The following GOLPH3L variants were observed in gnomAD, a reference collection of about 807,000 sequenced individuals.
GOLPH3L encodes the protein golgi phosphoprotein 3 like.
In GOLPH3L, 22 loss-of-function variants were observed where a neutral mutation model predicts 30.3. The observed-to-expected ratio is 0.73, with a 90% confidence interval of 0.52 to 1.04. GOLPH3L has a LOEUF of 1.04. Ranked by LOEUF, GOLPH3L falls within the 50% of genes least tolerant of loss-of-function variation. The pLI is 0.00. For synonymous variants in GOLPH3L, 120 were observed against 128.2 expected, an observed-to-expected ratio of 0.94 and a Z score of 0.43; for missense variants, 303 against 345.8, an observed-to-expected ratio of 0.88 and a Z score of 0.98.
At chr1:150,660,676 G>A (rs1465475347) in intron 4 of GOLPH3L, among the ~76,000 whole-genome samples, 1 of 152,180 alleles carries the variant, frequency 6.6e-6, no homozygotes, top group Non-Finnish European at 1.5e-5. Flanking sequence ...GAATAAGCTA[G>A]GGAAAGTAAT....
chr1:150,688,172 T>G (rs1651134983), intron 2 of GOLPH3L, among the ~76,000 whole-genome samples: 1 of 152,230 alleles, frequency 6.6e-6, no homozygotes, highest in Admixed American at 6.5e-5. Context: ...ACTGTTGGCT[T>G]TCAAACTACT....
chr1:150,661,906 G>A lies in GOLPH3L; in HGVS notation c.338C>T (p.Pro113Leu). Reference sequence around the variant, plus strand: ...TTCATCCAGTAAAACATCACCTGTTGGGCTGTCTGACTTTAGCAGTACCTT... The same window carrying A: ...TTCATCCAGTAAAACATCACCTGTTAGGCTGTCTGACTTTAGCAGTACCTT... ...DRKVLLKSDS[P>L]TGDVLLDETL... The change falls in exon 4 of 5, where the codon CCA becomes CTA. Residue 113 changes from proline to leucine, a missense_variant. By Grantham distance (98) the Pro-to-Leu change is moderately conservative. Coordinates refer to ENST00000271732, the MANE Select transcript of GOLPH3L (RefSeq NM_018178.6). 1 of 1,573,048 alleles carries A rather than the reference G, an allele frequency of 6.4e-7. No individual in the cohort carries two copies. The highest frequency in any genetic ancestry group is 8.8e-7 in the Non-Finnish European group (1 of 1,142,438).
Position 150,661,930 on chromosome 1 carries a change from T to G in GOLPH3L, c.316-2A>C. ...TGGGCTGTCTGACTTTAGCAGTACCTTTGAGAAAAGGAGAAAGAAGGAACC... is the reference window on the plus strand; with the variant it reads ...TGGGCTGTCTGACTTTAGCAGTACCGTTGAGAAAAGGAGAAAGAAGGAACC... On this transcript the variant is annotated splice_acceptor_variant, in intron 3 of 4. Transcript: ENST00000271732. LOFTEE classifies it high-confidence loss of function. 7.3e-7 allele frequency: 1 copy of G among 1,377,004 alleles called. No homozygotes were observed. The highest frequency in any genetic ancestry group is 1.0e-6 in the Non-Finnish European group (1 of 963,790). The allele number at this position is 1,377,004 out of a possible 1,614,324, so 85.3% of individuals were successfully genotyped here.
chr1:150,661,793 T>C (rs1259929865), intron 4 of GOLPH3L, 21 bp downstream of exon 4: 7 of 1,011,326 alleles, frequency 6.9e-6, no homozygotes, highest in Admixed American at 6.8e-5. Context: ...GAAATTCATA[T>C]ATTATTTTAA....
At chr1:150,665,201 A>G (rs1650469419) in intron 2 of GOLPH3L, among the ~76,000 whole-genome samples, 1 of 152,220 alleles carries the variant, frequency 6.6e-6, no homozygotes, top group African/African-American at 2.4e-5. Flanking sequence ...AAAGATGAGA[A>G]AACTAAGGCT....
intron 2 of GOLPH3L, among the ~76,000 whole-genome samples, chr1:150,683,686 C>G: frequency 9.9e-6 from 1 of 100,930 alleles, no homozygotes; most frequent in African/African-American, 4.0e-5. Context: ...GGTGACAGAG[C>G]GAGACTCTCT....
At chr1:150,684,292 T>G (rs1370381551) in intron 2 of GOLPH3L, among the ~76,000 whole-genome samples, 1 of 152,236 alleles carries the variant, frequency 6.6e-6, no homozygotes, top group African/African-American at 2.4e-5. Flanking sequence ...ATAATCCTAC[T>G]CTCACAGAAA....
chr1:150,662,103 C>T (rs903272622), intron 3 of GOLPH3L, among the ~76,000 whole-genome samples, 175 bp from the exon 4 acceptor site: 1 of 152,030 alleles, frequency 6.6e-6, no homozygotes, highest in African/African-American at 2.4e-5. Flanking sequence ...AGTGCAAAGA[C>T]AAAAATAACA....
chr1:150,691,270 T>A (rs1289433053), intron 2 of GOLPH3L, among the ~76,000 whole-genome samples: 1 of 152,052 alleles, frequency 6.6e-6, no homozygotes, highest in East Asian at 1.9e-4. Flanking sequence ...TCCCAGCACT[T>A]TGGGAGGCCA....
Position 150,646,963 on chromosome 1 carries a change from A to C in GOLPH3L, c.*1358T>G, listed in dbSNP as rs181850438. ...ATTGCCCTCACTACTGAAGTAAAAA[A>C]CGTGTTAGAGATTTGGCCAGAAAGA... On this transcript the variant is annotated 3_prime_UTR_variant, in exon 5 of 5. Coordinates refer to ENST00000271732, the MANE Select transcript of GOLPH3L (RefSeq NM_018178.6). 3.9e-5 allele frequency: 6 copies of C among 152,334 alleles called. No homozygotes were observed. The highest frequency in any genetic ancestry group is 2.0e-4 in the Admixed American group (3 of 15,310). The allele number at this position is 152,334 out of a possible 1,614,324, so 9.4% of individuals were successfully genotyped here.
intron 4 of GOLPH3L, among the ~76,000 whole-genome samples, chr1:150,654,886 C>A (rs1469649868): frequency 6.6e-6 from 1 of 152,184 alleles, no homozygotes. Context: ...TCTAGGAGAT[C>A]TAGTTTAAGT....
Position 150,647,989 on chromosome 1 carries a change from G to A in GOLPH3L, c.*332C>T, listed in dbSNP as rs1200126482. On this transcript the variant is annotated 3_prime_UTR_variant, in exon 5 of 5. Transcript: ENST00000271732. Reference sequence around the variant, plus strand: ...CTTTTTATCTCATTCACATTCTATAGCTGGAGAACTCAAAATCCCATTTAG... The same window carrying A: ...CTTTTTATCTCATTCACATTCTATAACTGGAGAACTCAAAATCCCATTTAG... 1 of 245,352 alleles carries A rather than the reference G, an allele frequency of 4.1e-6. No homozygotes were observed. The highest frequency in any genetic ancestry group is 7.8e-6 in the Non-Finnish European group (1 of 128,296). 15.2% of individuals were successfully genotyped at this position (245,352 alleles called of 1,614,324 possible). A position where few individuals can be genotyped will look rare whatever the true frequency, so the allele number is the denominator to read the frequency against.
At chr1:150,692,555 T>A (rs1306901800) in intron 2 of GOLPH3L, among the ~76,000 whole-genome samples, 2 of 152,164 alleles carry the variant, frequency 1.3e-5, no homozygotes, top group Non-Finnish European at 2.9e-5. Context: ...CCAGCTAATT[T>A]TTTTGTTTTA....
At chr1:150,686,693 G>A (rs935831119) in intron 2 of GOLPH3L, among the ~76,000 whole-genome samples, 1 of 152,136 alleles carries the variant, frequency 6.6e-6, no homozygotes, top group African/African-American at 2.4e-5. Flanking sequence ...CAAGTTTATA[G>A]GCACAGTGGT....
intron 2 of GOLPH3L, among the ~76,000 whole-genome samples, chr1:150,675,837 C>T (rs952161052): frequency 9.6e-5 from 14 of 145,688 alleles, no homozygotes; most frequent in African/African-American, 3.0e-4. Flanking sequence ...GAAGAAACTG[C>T]GAAGAGTACT....
intron 4 of GOLPH3L, among the ~76,000 whole-genome samples, chr1:150,656,134 T>A (rs1441273802): frequency 6.6e-6 from 1 of 152,228 alleles, no homozygotes; most frequent in Non-Finnish European, 1.5e-5. Flanking sequence ...ATGATGTATT[T>A]GTGCTGCCCC....
At chr1:150,686,902 G>C (rs188234610) in intron 2 of GOLPH3L, among the ~76,000 whole-genome samples, 3 of 152,052 alleles carry the variant, frequency 2.0e-5, no homozygotes, top group Non-Finnish European at 4.4e-5. Flanking sequence ...TATACCAATA[G>C]TAAATAGTTA....
intron 4 of GOLPH3L, among the ~76,000 whole-genome samples, chr1:150,650,691 C>G (rs1164829336): frequency 1.3e-5 from 2 of 152,192 alleles, no homozygotes; most frequent in Non-Finnish European, 2.9e-5. Flanking sequence ...GAAACCATCC[C>G]CCCGTCTCCC....
chr1:150,649,970 G>A (rs911055916), intron 4 of GOLPH3L, among the ~76,000 whole-genome samples: 8 of 152,000 alleles, frequency 5.3e-5, no homozygotes, highest in African/African-American at 1.5e-4. Flanking sequence ...CTGAGTGACA[G>A]AGTGAGACTT....
Sources: gnomAD v4.1 joint callset for allele counts (sites outside exome capture counted in the v4.1 genomes callset) on GRCh38, gnomAD v4.1.1 for gene constraint, MANE v1.5 for transcripts, NCBI Gene and HGNC (gene_info 2026-07-23, HGNC 2026-07-21) for gene names.